PDE4D: variants seen among roughly 807,000 people sequenced by gnomAD.
PDE4D encodes the protein phosphodiesterase 4D.
PDE4D carries 24 observed loss-of-function variants against 87.4 expected under a neutral mutation model. The ratio of observed to expected loss-of-function variants is 0.27; its 90% confidence interval spans 0.20 to 0.39. PDE4D has a LOEUF of 0.39. Ranked by LOEUF, PDE4D falls within the 10% of genes least tolerant of loss-of-function variation. The pLI is 1.00. For missense variants in PDE4D, 714 were observed against 1,041.0 expected, an observed-to-expected ratio of 0.69 and a Z score of 4.32; for synonymous variants, 384 against 383.2, an observed-to-expected ratio of 1.00 and a Z score of -0.02.
At chr5:59,301,584 C>T (rs1770261102) in intron 1 of PDE4D, among the ~76,000 whole-genome samples, 1 of 151,890 alleles carries the variant, frequency 6.6e-6, no homozygotes, top group African/African-American at 2.4e-5. Flanking sequence ...AATGGGAAGG[C>T]AGGGGTGGGC....
At chr5:59,056,359 T>G (rs530223906) in intron 5 of PDE4D, among the ~76,000 whole-genome samples, 17 of 152,174 alleles carry the variant, frequency 1.1e-4, no homozygotes, top group Admixed American at 1.1e-3. Context: ...GGGGCTTGAG[T>G]GTCTAAAAGT....
intron 1 of PDE4D, among the ~76,000 whole-genome samples, chr5:59,620,424 G>A (rs1467829848): frequency 1.3e-5 from 2 of 152,138 alleles, no homozygotes; most frequent in Non-Finnish European, 2.9e-5. Context: ...CGTAATAAGA[G>A]GAGCTAGAAA....
intron 1 of PDE4D, among the ~76,000 whole-genome samples, chr5:59,271,042 T>A (rs1040926586): frequency 6.6e-6 from 1 of 151,974 alleles, no homozygotes; most frequent in Non-Finnish European, 1.5e-5. Context: ...AAATGGATTT[T>A]TTTTTTTTTT....
At chr5:59,932,180 G>C (rs1357720545) in intron 3 of PDE4D, among the ~76,000 whole-genome samples, 1 of 152,202 alleles carries the variant, frequency 6.6e-6, no homozygotes, top group Non-Finnish European at 1.5e-5. Context: ...TTTTATGATA[G>C]TATAAATAGA....
At chr5:59,281,450 TC>T (rs1352246230) in intron 1 of PDE4D, among the ~76,000 whole-genome samples, 12 of 152,170 alleles carry the variant, frequency 7.9e-5, no homozygotes, top group Admixed American at 6.5e-5. Context: ...AAAACAATTT[TC>T]TATGTTTATC....
At chr5:59,909,949 G>A (rs966469713) in intron 3 of PDE4D, among the ~76,000 whole-genome samples, 8 of 152,166 alleles carry the variant, frequency 5.3e-5, no homozygotes, top group African/African-American at 1.9e-4. Context: ...CTAGTTTCAT[G>A]CATTTTGAAT....
At chr5:59,267,377 T>C (rs1225161665) in intron 1 of PDE4D, among the ~76,000 whole-genome samples, 3 of 152,064 alleles carry the variant, frequency 2.0e-5, no homozygotes, top group Non-Finnish European at 4.4e-5. Flanking sequence ...CTCAAGCAAG[T>C]TCACTAAAAA....
chr5:59,702,595 C>A (rs1407909382), intron 1 of PDE4D, among the ~76,000 whole-genome samples: 1 of 151,820 alleles, frequency 6.6e-6, no homozygotes, highest in East Asian at 2.0e-4. Context: ...TGCAGTAGCT[C>A]CTACCTCTAA....
Position 59,138,589 on chromosome 5 carries a change from T to G in PDE4D, c.808+42006A>C, listed in dbSNP as rs560915677. ...ACAGAAAGACAACTTCATTTGATAT[T>G]ATTCACAAGCCATCTAGTCTCTTGC... On this transcript the variant is annotated intron_variant, in intron 5 of 14. Coordinates refer to ENST00000340635, the MANE Select transcript of PDE4D (RefSeq NM_001104631.2). 1.7e-4 allele frequency among the ~76,000 whole-genome samples: 26 copies of G among 152,370 alleles called. No homozygotes were observed. The South Asian group carries it at 2.7e-3, about 16-fold the overall frequency.
At chr5:59,250,872 A>G (rs1436434435) in intron 1 of PDE4D, among the ~76,000 whole-genome samples, 1 of 152,092 alleles carries the variant, frequency 6.6e-6, no homozygotes, top group Admixed American at 6.6e-5. Flanking sequence ...TCAGAAATAA[A>G]ACTGCACACC....
chr5:59,031,926 G>A (rs1040216870), intron 6 of PDE4D, among the ~76,000 whole-genome samples: 1 of 152,016 alleles, frequency 6.6e-6, no homozygotes, highest in Admixed American at 6.6e-5. Flanking sequence ...TGGGTTACCA[G>A]AGGCTGTAGA....
At chr5:59,559,249 T>C (rs973846899) in intron 1 of PDE4D, among the ~76,000 whole-genome samples, 16 of 152,234 alleles carry the variant, frequency 1.1e-4, no homozygotes, top group Non-Finnish European at 1.8e-4. Context: ...TATTGATTTA[T>C]TGAAAATACG....
intron 3 of PDE4D, among the ~76,000 whole-genome samples, chr5:59,905,570 G>A (rs1752725422): frequency 6.6e-6 from 1 of 152,094 alleles, no homozygotes. Flanking sequence ...TTCTAGATGT[G>A]TAACCACAGA....
intron 1 of PDE4D, among the ~76,000 whole-genome samples, chr5:60,186,418 T>G (rs1324323872): frequency 6.6e-6 from 1 of 152,194 alleles, no homozygotes; most frequent in Non-Finnish European, 1.5e-5. Context: ...TTCTCCATTT[T>G]GAGTTTTGAA....
intron 1 of PDE4D, among the ~76,000 whole-genome samples, chr5:59,637,667 C>T (rs1041217664): frequency 1.3e-5 from 2 of 151,994 alleles, no homozygotes; most frequent in East Asian, 1.9e-4. Flanking sequence ...AACCAAACAC[C>T]GCATGTTCTC....
At chr5:59,337,331 C>G (rs981696615) in intron 1 of PDE4D, among the ~76,000 whole-genome samples, 10 of 131,994 alleles carry the variant, frequency 7.6e-5, no homozygotes, top group South Asian at 3.0e-4. Context: ...GTTCCCCCCC[C>G]CCCACCTTTT....
intron 1 of PDE4D, among the ~76,000 whole-genome samples, chr5:59,255,168 T>C (rs897205589): frequency 2.0e-5 from 3 of 152,084 alleles, no homozygotes; most frequent in African/African-American, 4.8e-5. Context: ...CAAGTGTCTA[T>C]CAACTGATGA....
At chr5:60,174,565 T>C (rs1783753794) in intron 2 of PDE4D, among the ~76,000 whole-genome samples, 1 of 151,868 alleles carries the variant, frequency 6.6e-6, no homozygotes, top group African/African-American at 2.4e-5. Context: ...AAAGACAAAA[T>C]AAAATGAGGA....
intron 2 of PDE4D, among the ~76,000 whole-genome samples, chr5:60,032,618 C>T (rs1188002056): frequency 1.3e-5 from 2 of 152,098 alleles, no homozygotes; most frequent in Admixed American, 6.5e-5. Context: ...AGTTATGAAA[C>T]ATCTCTTAGC....
Sources: gnomAD v4.1 joint callset for allele counts (sites outside exome capture counted in the v4.1 genomes callset) on GRCh38, gnomAD v4.1.1 for gene constraint, MANE v1.5 for transcripts, NCBI Gene and HGNC (gene_info 2026-07-23, HGNC 2026-07-21) for gene names.